ATAD2B: variants seen among roughly 807,000 people sequenced by gnomAD.
ATAD2B encodes the protein ATPase family AAA domain-containing protein 2B.
A neutral mutation model predicts 167.6 loss-of-function variants in ATAD2B; 40 were observed. That is an observed-to-expected ratio of 0.24 (90% CI 0.19 to 0.31). ATAD2B has a LOEUF of 0.31. Among genes scored for constraint, ATAD2B ranks in the 10% least tolerant of loss-of-function variants. ATAD2B has a pLI of 1.00. For missense variants in ATAD2B, 1,242 were observed against 1,757.2 expected (o/e 0.71, Z 5.24); for synonymous variants, 579 against 596.5 (o/e 0.97, Z 0.43).
intron 1 of ATAD2B, among the ~76,000 whole-genome samples, chr2:23,907,137 G>A (rs1423184817): frequency 6.6e-6 from 1 of 151,386 alleles, no homozygotes; most frequent in Non-Finnish European, 1.5e-5. Flanking sequence ...GCAGGAGAAG[G>A]AAATAAAGGG....
intron 2 of ATAD2B, among the ~76,000 whole-genome samples, chr2:23,895,597 T>C (rs747396704): frequency 1.1e-4 from 16 of 152,176 alleles, no homozygotes; most frequent in Admixed American, 2.0e-4. Flanking sequence ...AAAATCCTTA[T>C]TGTTTTACTT....
At chr2:23,855,036 A>C (rs1251323152) in intron 13 of ATAD2B, among the ~76,000 whole-genome samples, 1 of 152,118 alleles carries the variant, frequency 6.6e-6, no homozygotes, top group Non-Finnish European at 1.5e-5. Context: ...CTCTACTAAA[A>C]ATACAAAATT....
rs1325391642 is a variant in ATAD2B at position 23,788,533 on chromosome 2, G to C, written c.2755C>G (p.Pro919Ala). The change falls in exon 20 of 28, where the codon CCA becomes GCA. Residue 919 changes from proline (P) to alanine (A), a missense_variant. By Grantham distance (27) the Pro-to-Ala change is conservative. Transcript: ENST00000238789. ...TTACCAGCATGTTTCCTTCGTGGTG[G>C]AGCCATTGATGCCTGATTGAGAATC... ...ELILNQASMA[P>A]PRRKHAALCA... 6.2e-7 allele frequency: 1 copy of C among 1,613,096 alleles called. No individual in the cohort carries two copies. Among genetic ancestry groups the C allele is most frequent in the Non-Finnish European group, 8.5e-7 (1 of 1,179,314 alleles).
intron 1 of ATAD2B, among the ~76,000 whole-genome samples, chr2:23,897,525 A>T (rs946203299): frequency 5.9e-5 from 9 of 152,188 alleles, no homozygotes; most frequent in African/African-American, 1.9e-4. Context: ...TGTAGTTGGC[A>T]TTTTAACAGA....
At chr2:23,863,085 T>C (rs1193481191) in intron 12 of ATAD2B, among the ~76,000 whole-genome samples, 3 of 152,150 alleles carry the variant, frequency 2.0e-5, no homozygotes, top group Admixed American at 6.6e-5. Context: ...AGCAGGCAGA[T>C]TGCTTGAGCC....
intron 22 of ATAD2B, among the ~76,000 whole-genome samples, chr2:23,771,786 C>CA (rs1678362053): frequency 6.6e-6 from 1 of 152,174 alleles, no homozygotes; most frequent in Non-Finnish European, 1.5e-5. Context: ...TCTCTGGCCT[C>CA]AGATAGTTTT....
the ATAD2B span, among the ~76,000 whole-genome samples, chr2:23,743,155 AAT>A: frequency 4.6e-5 from 7 of 152,152 alleles, no homozygotes; most frequent in Admixed American, 1.3e-4. Context: ...AAAAAAAAAA[AAT>A]GACTATGCAA....
chr2:23,880,870 C>T, intron 6 of ATAD2B, 115 bp from the exon 7 acceptor site: 1 of 652,222 alleles, frequency 1.5e-6, no homozygotes. Flanking sequence ...GCACAGGTGA[C>T]ATTTAAGTGC....
intron 22 of ATAD2B, among the ~76,000 whole-genome samples, chr2:23,780,859 G>A (rs956911295): frequency 6.6e-6 from 1 of 151,848 alleles, no homozygotes; most frequent in African/African-American, 2.4e-5. Context: ...AACCACTATC[G>A]CGCCACTGCA....
chr2:23,913,842 C>G (rs1275583012), intron 1 of ATAD2B, among the ~76,000 whole-genome samples: 1 of 152,128 alleles, frequency 6.6e-6, no homozygotes, highest in East Asian at 1.9e-4. Context: ...CGGCTCATGC[C>G]TGTAATCCCA....
At chr2:23,803,814 A>G (rs895262973) in intron 18 of ATAD2B, among the ~76,000 whole-genome samples, 1 of 152,248 alleles carries the variant, frequency 6.6e-6, no homozygotes, top group Non-Finnish European at 1.5e-5. Flanking sequence ...ATATACATAC[A>G]GCCCTTTAAA....
chr2:23,899,472 C>A (rs1700541099), intron 1 of ATAD2B, among the ~76,000 whole-genome samples: 1 of 152,160 alleles, frequency 6.6e-6, no homozygotes, highest in Non-Finnish European at 1.5e-5. Context: ...CTAGCTACTT[C>A]CAAACTATAT....
intron 17 of ATAD2B, 68 bp downstream of exon 17, chr2:23,819,679 C>T: frequency 1.6e-6 from 2 of 1,252,088 alleles, no homozygotes; most frequent in East Asian, 2.6e-5. Context: ...TAAAAATATA[C>T]CATAATTCTA....
the ATAD2B span, among the ~76,000 whole-genome samples, chr2:23,682,890 G>A: frequency 0.018 from 2 of 112 alleles, no homozygotes; most frequent in Non-Finnish European, 0.034. This position sits in a 1 kb window ranked among gnomAD's most constrained non-coding sequence, Gnocchi z 4.1. Flanking sequence ...TCAGTGATTC[G>A]GCCTTGCCAT....
intron 5 of ATAD2B, among the ~76,000 whole-genome samples, chr2:23,885,354 T>C (rs957800668): frequency 2.0e-5 from 3 of 152,172 alleles, no homozygotes; most frequent in Non-Finnish European, 4.4e-5. Flanking sequence ...GGAATAAGAA[T>C]GATTTGTTTA....
the ATAD2B span, among the ~76,000 whole-genome samples, chr2:23,680,042 G>A: frequency 5.3e-5 from 8 of 152,194 alleles, no homozygotes; most frequent in East Asian, 3.9e-4. The surrounding 1 kb of genome is among the most constrained non-coding windows in gnomAD (Gnocchi z 4.1). Context: ...CTTCAGCCCC[G>A]AAGGATTTGT....
At chr2:23,765,849 C>T (rs985010578) in intron 22 of ATAD2B, among the ~76,000 whole-genome samples, 1 of 152,012 alleles carries the variant, frequency 6.6e-6, no homozygotes, top group African/African-American at 2.4e-5. Flanking sequence ...AGGACTAAAC[C>T]TATTACCATT....
rs1000217360 is a variant in ATAD2B at position 23,926,867 on chromosome 2, G to T, written c.-97C>A. ...GTCAGGGCCAGCGGAGCCGAGCCGG[G>T]CAATGAGAGACGAGCCGGCCCGGAG... is the stretch of plus-strand genomic sequence containing the variant. On this transcript the variant is annotated 5_prime_UTR_variant, in exon 1 of 28. Coordinates refer to ENST00000238789, the MANE Select transcript of ATAD2B (RefSeq NM_017552.4). 9.3e-6 allele frequency: 13 copies of T among 1,392,768 alleles called. No homozygotes were observed. In the Admixed American group the frequency reaches 3.3e-4, roughly 35 times the overall value. 86.3% of individuals were successfully genotyped at this position (1,392,768 alleles called of 1,614,324 possible).
At chr2:23,830,327 A>G (rs1353571516) in intron 14 of ATAD2B, among the ~76,000 whole-genome samples, 7 of 152,190 alleles carry the variant, frequency 4.6e-5, no homozygotes, top group Admixed American at 4.6e-4. Context: ...AAGAATCTAT[A>G]ATCAGCTGAT....
Sources: gnomAD v4.1 joint callset for allele counts (sites outside exome capture counted in the v4.1 genomes callset) on GRCh38, gnomAD v4.1.1 for gene constraint, Gnocchi (gnomAD v3.1) non-coding constraint, MANE v1.5 for transcripts, NCBI Gene and HGNC (gene_info 2026-07-23, HGNC 2026-07-21) for gene names.